The following CA10 variants were observed in gnomAD, a reference collection of about 807,000 sequenced individuals.
CA10 encodes the protein carbonic anhydrase-related protein 10.
CA10 carries 14 observed loss-of-function variants against 44.2 expected under a neutral mutation model. The observed-to-expected ratio is 0.32, with a 90% confidence interval of 0.21 to 0.50. The LOEUF is 0.50. Ranked by LOEUF, CA10 falls within the 20% of genes least tolerant of loss-of-function variation. The pLI is 0.99. For missense variants in CA10, 350 were observed against 409.7 expected (o/e 0.85, Z 1.26); for synonymous variants, 159 against 141.6 (o/e 1.12, Z -0.87).
At chr17:52,012,654 T>A (rs938239871) in intron 2 of CA10, among the ~76,000 whole-genome samples, 1 of 152,066 alleles carries the variant, frequency 6.6e-6, no homozygotes, top group Non-Finnish European at 1.5e-5. Context: ...AATGGAATCA[T>A]ACACACAGAA....
At chr17:51,814,735 A>G (rs906481296) in intron 3 of CA10, among the ~76,000 whole-genome samples, 9 of 152,170 alleles carry the variant, frequency 5.9e-5, no homozygotes, top group Non-Finnish European at 1.2e-4. Context: ...GTCAATGTGA[A>G]ACATTTTACA....
At chr17:51,765,582 C>T (rs1175191268) in intron 3 of CA10, among the ~76,000 whole-genome samples, 1 of 152,028 alleles carries the variant, frequency 6.6e-6, no homozygotes, top group Non-Finnish European at 1.5e-5. Flanking sequence ...ATTATATTTC[C>T]ATTACTGCAT....
At chr17:51,636,896 T>C (rs1478006856) in intron 6 of CA10, among the ~76,000 whole-genome samples, 1 of 151,844 alleles carries the variant, frequency 6.6e-6, no homozygotes, top group Non-Finnish European at 1.5e-5. Context: ...CTTCTATTAC[T>C]AAATACAGTA....
At chr17:52,066,533 G>A (rs541682737) in intron 2 of CA10, among the ~76,000 whole-genome samples, 1 of 152,118 alleles carries the variant, frequency 6.6e-6, no homozygotes, top group African/African-American at 2.4e-5. Context: ...TTTTATAGAC[G>A]GGAGTTCCTC....
intron 2 of CA10, among the ~76,000 whole-genome samples, chr17:52,006,362 A>G (rs1053534281): frequency 6.6e-6 from 1 of 151,814 alleles, no homozygotes; most frequent in Non-Finnish European, 1.5e-5. Context: ...ATATCACAAT[A>G]AAAATTTCAT....
intron 3 of CA10, among the ~76,000 whole-genome samples, chr17:51,901,182 A>T (rs1001245375): frequency 7.9e-5 from 12 of 151,734 alleles, no homozygotes; most frequent in African/African-American, 2.9e-4. Flanking sequence ...CTTTGGATGG[A>T]TTTCATTGCT....
chr17:51,635,445 G>A (rs1187527756), intron 7 of CA10, among the ~76,000 whole-genome samples: 3 of 152,010 alleles, frequency 2.0e-5, no homozygotes, highest in Non-Finnish European at 4.4e-5. Context: ...CCCAGGAGGT[G>A]GAAGTTGCAG....
At chr17:51,745,847 CA>C (rs1048422210) in intron 4 of CA10, among the ~76,000 whole-genome samples, 4 of 151,984 alleles carry the variant, frequency 2.6e-5, no homozygotes, top group Non-Finnish European at 5.9e-5. Context: ...TAACAGCAAA[CA>C]AAAAAATGAG....
At chr17:51,903,008 CT>C (rs1175212701) in intron 3 of CA10, among the ~76,000 whole-genome samples, 3 of 152,160 alleles carry the variant, frequency 2.0e-5, no homozygotes, top group Non-Finnish European at 2.9e-5. Flanking sequence ...AAACTGCCTT[CT>C]TGTTGCCATG....
At chr17:52,005,981 C>T (rs1349100186) in intron 2 of CA10, among the ~76,000 whole-genome samples, 1 of 151,776 alleles carries the variant, frequency 6.6e-6, no homozygotes, top group Admixed American at 6.6e-5. Context: ...AAATTTCCAT[C>T]ACACAGAGAG....
chr17:51,806,010 G>C (rs373385599), intron 3 of CA10, among the ~76,000 whole-genome samples: 1 of 152,174 alleles, frequency 6.6e-6, no homozygotes, highest in Non-Finnish European at 1.5e-5. Flanking sequence ...GAAGGAAAGA[G>C]CTTGGCCCAG....
chr17:51,779,189 G>T (rs1435115923), intron 3 of CA10, among the ~76,000 whole-genome samples: 2 of 152,100 alleles, frequency 1.3e-5, no homozygotes, highest in Non-Finnish European at 2.9e-5. Context: ...AAAGGTAAGT[G>T]CCTCGAGAGC....
chr17:51,713,002 T>A (rs1915992387), intron 4 of CA10, among the ~76,000 whole-genome samples: 1 of 152,236 alleles, frequency 6.6e-6, no homozygotes, highest in Non-Finnish European at 1.5e-5. Context: ...AGATCCTCTT[T>A]TCTTGCCCCT....
intron 2 of CA10, among the ~76,000 whole-genome samples, chr17:51,993,451 T>A (rs1227617576): frequency 2.0e-5 from 3 of 152,062 alleles, no homozygotes; most frequent in Non-Finnish European, 4.4e-5. Context: ...GAACCAACTA[T>A]CCTTCAGCTC....
At chr17:51,979,256 T>C (rs955106235) in intron 2 of CA10, among the ~76,000 whole-genome samples, 14 of 152,116 alleles carry the variant, frequency 9.2e-5, no homozygotes, top group Non-Finnish European at 1.5e-4. Context: ...AAAAAAGTAT[T>C]TGCAAAACAT....
At chr17:51,711,447 TAGG>T (rs1260376122) in intron 4 of CA10, among the ~76,000 whole-genome samples, 1 of 152,214 alleles carries the variant, frequency 6.6e-6, no homozygotes. Context: ...TGTTTAATTT[TAGG>T]AGAAGGCCCA....
intron 4 of CA10, among the ~76,000 whole-genome samples, chr17:51,699,616 T>C (rs1296035061): frequency 6.6e-6 from 1 of 152,132 alleles, no homozygotes; most frequent in African/African-American, 2.4e-5. Context: ...ACAGAAAAAA[T>C]CTATTGCTTT....
chr17:51,895,515 C>T (rs1474546881), intron 3 of CA10, among the ~76,000 whole-genome samples: 1 of 152,004 alleles, frequency 6.6e-6, no homozygotes, highest in African/African-American at 2.4e-5. Flanking sequence ...AACAGAAATA[C>T]ATAACATACC....
intron 3 of CA10, among the ~76,000 whole-genome samples, chr17:51,763,744 T>TACAC (rs144957941): frequency 6.6e-6 from 1 of 152,080 alleles, no homozygotes; most frequent in Non-Finnish European, 1.5e-5. Flanking sequence ...GTTGCTTATA[T>TACAC]ACACACACAC....
Sources: allele counts gnomAD v4.1 joint callset (sites outside exome capture counted in the v4.1 genomes callset), GRCh38; gene constraint gnomAD v4.1.1; transcripts MANE v1.5; gene names NCBI Gene and HGNC (gene_info 2026-07-23, HGNC 2026-07-21).